The following ST6GALNAC3 variants were observed in gnomAD, a reference collection of about 807,000 sequenced individuals.
ST6GALNAC3 encodes alpha-N-acetylgalactosaminide alpha-2,6-sialyltransferase 3.
ST6GALNAC3 carries 25 observed loss-of-function variants against 32.7 expected under a neutral mutation model. That is an observed-to-expected ratio of 0.76 (90% CI 0.56 to 1.07). The LOEUF (loss-of-function observed/expected upper bound fraction) is 1.07. Ranked by LOEUF, ST6GALNAC3 falls within the 50% of genes least tolerant of loss-of-function variation. The probability of loss-of-function intolerance (pLI) is 0.00; values close to 1 mark genes in which losing one functional copy is unlikely to be tolerated. For synonymous variants in ST6GALNAC3, 129 were observed against 133.1 expected, an observed-to-expected ratio of 0.97 and a Z score of 0.21; for missense variants, 355 against 382.4, an observed-to-expected ratio of 0.93 and a Z score of 0.60.
intron 3 of ST6GALNAC3, among the ~76,000 whole-genome samples, chr1:76,553,476 G>A (rs1664750165): frequency 6.6e-6 from 1 of 152,064 alleles, no homozygotes; most frequent in South Asian, 2.1e-4. Flanking sequence ...AATCAGGCTG[G>A]CCATTTGTCT....
chr1:76,412,785 T>A (rs946074157), intron 3 of ST6GALNAC3, among the ~76,000 whole-genome samples: 5 of 152,152 alleles, frequency 3.3e-5, no homozygotes, highest in Admixed American at 6.6e-5. Context: ...GATTATGCAT[T>A]AATCTAAACT....
chr1:76,333,875 C>G (rs918000007), intron 2 of ST6GALNAC3, among the ~76,000 whole-genome samples: 4 of 152,060 alleles, frequency 2.6e-5, no homozygotes, highest in Non-Finnish European at 4.4e-5. Flanking sequence ...CACAATAATG[C>G]TATATGGTAG....
chr1:76,602,087 G>A (rs1412525435), intron 3 of ST6GALNAC3, among the ~76,000 whole-genome samples: 2 of 152,134 alleles, frequency 1.3e-5, no homozygotes, highest in East Asian at 1.9e-4. Flanking sequence ...ATGTGAGTGA[G>A]GGAGGATGTT....
chr1:76,457,559 G>C, intron 3 of ST6GALNAC3, among the ~76,000 whole-genome samples: 1 of 151,968 alleles, frequency 6.6e-6, no homozygotes, highest in Non-Finnish European at 1.5e-5. Flanking sequence ...GAACACAACA[G>C]AGCCCTCAGA....
At chr1:76,378,693 T>G (rs990410684) in intron 2 of ST6GALNAC3, among the ~76,000 whole-genome samples, 1 of 152,048 alleles carries the variant, frequency 6.6e-6, no homozygotes, top group Non-Finnish European at 1.5e-5. Flanking sequence ...AAAATTTGCT[T>G]TTTTTAGTGT....
chr1:76,361,989 A>T (rs1985291), intron 2 of ST6GALNAC3, among the ~76,000 whole-genome samples: 7 of 148,084 alleles, frequency 4.7e-5, no homozygotes, highest in Admixed American at 2.7e-4. Flanking sequence ...AAAAAAAAAA[A>T]AAAAGAGAGA....
At chr1:76,539,435 C>T (rs1663843837) in intron 3 of ST6GALNAC3, among the ~76,000 whole-genome samples, 1 of 152,150 alleles carries the variant, frequency 6.6e-6, no homozygotes. Flanking sequence ...CTAGGCAATA[C>T]CATTCAGGAC....
intron 3 of ST6GALNAC3, among the ~76,000 whole-genome samples, chr1:76,466,411 C>T (rs1172701537): frequency 1.3e-5 from 2 of 151,954 alleles, no homozygotes; most frequent in African/African-American, 2.4e-5. Context: ...CCTGAGAGAG[C>T]AATCCATGGA....
At chr1:76,517,449 G>A (rs1268238207) in intron 3 of ST6GALNAC3, among the ~76,000 whole-genome samples, 1 of 151,550 alleles carries the variant, frequency 6.6e-6, no homozygotes, top group Non-Finnish European at 1.5e-5. Flanking sequence ...TCATAAACTT[G>A]TCAATTTTTT....
intron 1 of ST6GALNAC3, among the ~76,000 whole-genome samples, chr1:76,210,280 G>A (rs1009707268): frequency 2.6e-5 from 4 of 152,122 alleles, no homozygotes; most frequent in Non-Finnish European, 5.9e-5. Context: ...TCATATTGCA[G>A]TTGTGTCTGA....
intron 3 of ST6GALNAC3, among the ~76,000 whole-genome samples, chr1:76,497,862 A>G (rs1660949069): frequency 6.6e-6 from 1 of 152,110 alleles, no homozygotes; most frequent in Admixed American, 6.6e-5. Context: ...CAGCACCTCT[A>G]TGTGGGCAGT....
chr1:76,272,450 G>A (rs894467024), intron 1 of ST6GALNAC3, among the ~76,000 whole-genome samples: 3 of 152,066 alleles, frequency 2.0e-5, no homozygotes, highest in South Asian at 2.1e-4. Context: ...TGAGAGATAC[G>A]GGGTCTTACA....
intron 1 of ST6GALNAC3, among the ~76,000 whole-genome samples, chr1:76,082,835 A>G (rs981567389): frequency 6.6e-6 from 1 of 151,178 alleles, no homozygotes; most frequent in Non-Finnish European, 1.5e-5. Context: ...GATTTGTCGG[A>G]GGCCAGAAAA....
rs149218085 is a variant in ST6GALNAC3, at chr1:76,468,862, G to A, written c.623+56445G>A. Among the ~76,000 whole-genome samples the A allele has an allele frequency of 6.9e-3, 1,048 of 152,110 alleles. 10 individuals carry two copies. Among genetic ancestry groups the A allele is most frequent in the South Asian group, 0.021 (102 of 4,822 alleles). ...TTAGGTAAATACTTATGAAGTAGAG[G>A]AAAGAAGGTAGGACATGTGAATGGA... On this transcript the variant is annotated intron_variant, in intron 3 of 4. Transcript: ENST00000328299.
At chr1:76,481,811 C>G (rs1179989583) in intron 3 of ST6GALNAC3, among the ~76,000 whole-genome samples, 1 of 152,054 alleles carries the variant, frequency 6.6e-6, no homozygotes, top group Non-Finnish European at 1.5e-5. Context: ...TAAGCATATG[C>G]AAAAGTTCTA....
intron 1 of ST6GALNAC3, among the ~76,000 whole-genome samples, chr1:76,133,589 G>T: frequency 6.6e-6 from 1 of 152,196 alleles, no homozygotes; most frequent in East Asian, 1.9e-4. Flanking sequence ...TCTGCCAGCT[G>T]GTTACCCGCT....
chr1:76,507,281 T>C (rs1049370189), intron 3 of ST6GALNAC3, among the ~76,000 whole-genome samples: 1 of 152,214 alleles, frequency 6.6e-6, no homozygotes, highest in African/African-American at 2.4e-5. Context: ...AACAGCTTTA[T>C]TAGGATATAA....
intron 3 of ST6GALNAC3, among the ~76,000 whole-genome samples, chr1:76,535,947 C>A (rs1471735481): frequency 2.0e-5 from 3 of 152,082 alleles, no homozygotes; most frequent in Non-Finnish European, 4.4e-5. Flanking sequence ...CATTTGATGG[C>A]TATTTTATTC....
At chr1:76,385,986 C>T (rs10782619) in intron 2 of ST6GALNAC3, among the ~76,000 whole-genome samples, 43,780 of 151,786 alleles carry the variant, frequency 0.29, 7,614 homozygotes, top group East Asian at 0.6. Context: ...AATGCCAAGA[C>T]GCTGGGGCAT....
Sources: gnomAD v4.1 joint callset for allele counts (sites outside exome capture counted in the v4.1 genomes callset) on GRCh38, gnomAD v4.1.1 for gene constraint, MANE v1.5 for transcripts, NCBI Gene and HGNC (gene_info 2026-07-23, HGNC 2026-07-21) for gene names.